RRM2: variants seen among roughly 807,000 people sequenced by gnomAD.
The protein encoded by RRM2 is ribonucleotide reductase regulatory subunit M2.
Under a neutral mutation model 45.9 loss-of-function variants are expected in RRM2, and 6 were observed. The ratio of observed to expected loss-of-function variants is 0.13; its 90% CI spans 0.07 to 0.26. RRM2 has a LOEUF of 0.26. RRM2 is among the 10% of genes least tolerant of loss of function. The probability of loss-of-function intolerance (pLI) is 1.00; values close to 1 mark genes in which losing one functional copy is unlikely to be tolerated. For synonymous variants in RRM2, 177 were observed against 173.0 expected, an observed-to-expected ratio of 1.02 and a Z score of -0.18; for missense variants, 343 against 489.5, an observed-to-expected ratio of 0.70 and a Z score of 2.82.
In RRM2 at chr2:10,148,203, T is replaced by C. The variant is rs571772229; in HGVS notation, n.482+5828T>C. On this transcript the variant is annotated intron_variant and non_coding_transcript_variant, in intron 3 of 3. Coordinates refer to the RRM2 transcript ENST00000381786. ...TCAGATACTAACAACTCTCTCCTTCTTTCTTTTCTTCCCAATTTTTGTTTA... is the reference window on the plus strand; with the variant it reads ...TCAGATACTAACAACTCTCTCCTTCCTTCTTTTCTTCCCAATTTTTGTTTA... Among the ~76,000 whole-genome samples the C allele has an allele frequency of 3.4e-4, 51 of 151,562 alleles. 1 individual carries two copies. Among genetic ancestry groups the C allele is most frequent in the African/African-American group, 1.2e-3 (48 of 41,370 alleles).
intron 3 of RRM2, among the ~76,000 whole-genome samples, chr2:10,151,294 GAT>G (rs1158098331): frequency 9.7e-6 from 1 of 103,172 alleles, no homozygotes; most frequent in Non-Finnish European, 1.8e-5. Context: ...TCTGCATGTA[GAT>G]TTTTTTTTTT....
intron 3 of RRM2, among the ~76,000 whole-genome samples, chr2:10,183,010 C>T (rs771301600): frequency 3.3e-5 from 5 of 152,050 alleles, no homozygotes; most frequent in African/African-American, 4.8e-5. Context: ...AAGACCCTGT[C>T]TCTACAAAAA....
rs1442479900 is a variant in RRM2 at position 10,124,751 on chromosome 2, A to C, written c.470A>C (p.Glu157Ala). ...ERFSQEVQIT[E>A]ARCFYGFQIA... ...TTTAGCCAAGAAGTTCAGATTACAG[A>C]AGCCCGCTGTTTCTATGGCTTCCAA... Residue 157 changes from glutamate to alanine, a missense_variant, in exon 5 of 10, where the codon GAA becomes GCA. By Grantham distance (107) the Glu-to-Ala change is moderately radical (BLOSUM62 -1). Transcript: ENST00000304567. 6.2e-7 allele frequency: 1 copy of C among 1,611,996 alleles called. No individual in the cohort carries two copies. Among genetic ancestry groups the C allele is most frequent in the African/African-American group, 1.3e-5 (1 of 74,872 alleles).
At chr2:10,143,505 G>T (rs1281558025) in intron 3 of RRM2, among the ~76,000 whole-genome samples, 1 of 152,228 alleles carries the variant, frequency 6.6e-6, no homozygotes, top group East Asian at 1.9e-4. Flanking sequence ...ACCTGGCCAG[G>T]CACTCTCAGT....
At chr2:10,186,314 A>ATT (rs60113793) in intron 3 of RRM2, among the ~76,000 whole-genome samples, 60,713 of 145,384 alleles carry the variant, frequency 0.42, 13,622 homozygotes, top group East Asian at 0.64. Context: ...TGCCCAGCTA[A>ATT]TTTTTTTTTT....
At chr2:10,133,703 A>ATTT (rs33987822), downstream of RRM2, among the ~76,000 whole-genome samples, 16 of 133,228 alleles carry the variant, frequency 1.2e-4, no homozygotes, top group African/African-American at 4.5e-4. Flanking sequence ...TGACATCAGG[A>ATTT]TTTTTTTTTT....
At chr2:10,142,264 A>C (rs749293616) in exon 3 of RRM2, 10 of 1,456,640 alleles carry the variant, frequency 6.9e-6, no homozygotes, top group Non-Finnish European at 9.3e-6. Context: ...GGGGATGAGA[A>C]GCTCGGGAAG....
chr2:10,144,502 C>T (rs1663149916), intron 3 of RRM2, among the ~76,000 whole-genome samples: 2 of 152,152 alleles, frequency 1.3e-5, no homozygotes, highest in Admixed American at 1.3e-4. Context: ...TGCCTTCTTA[C>T]AGTGCTCAGC....
rs1664400444 is a variant in RRM2 at position 10,195,633 on chromosome 2, T to C, written n.483-14678T>C. Among the ~76,000 whole-genome samples the C allele has an allele frequency of 6.6e-6, 1 of 152,118 alleles. No individual in the cohort carries two copies. Among genetic ancestry groups the C allele is most frequent in the Admixed American group, 6.5e-5 (1 of 15,272 alleles). On this transcript the variant is annotated intron_variant and non_coding_transcript_variant, in intron 3 of 3. Coordinates refer to the RRM2 transcript ENST00000381786. The surrounding 1 kb of genome is among the most constrained non-coding windows in gnomAD (Gnocchi z 4.9). ...GGAAGCGAGGGAGAAGAGGTCGCGG[T>C]GAGCCTCGGGTGGACCCATGTGGCA...
chr2:10,154,479 GA>G (rs1663382604), intron 3 of RRM2, among the ~76,000 whole-genome samples: 2 of 128,192 alleles, frequency 1.6e-5, no homozygotes, highest in Admixed American at 1.7e-4. Flanking sequence ...CAGCCTGGGT[GA>G]CAGAGCGAGA....
downstream of RRM2, among the ~76,000 whole-genome samples, chr2:10,132,522 A>G (rs967398868): frequency 4.6e-5 from 7 of 152,190 alleles, no homozygotes; most frequent in Non-Finnish European, 7.4e-5. Context: ...TGTAAGAGAA[A>G]GTTGTCTTTG....
intron 3 of RRM2, 30 bp from the exon 4 acceptor site, chr2:10,123,706 T>A (rs764199311): frequency 1.4e-6 from 2 of 1,468,456 alleles, no homozygotes; most frequent in African/African-American, 2.8e-5. Context: ...CTCTTCCTTT[T>A]ATGCTAAAAT....
At chr2:10,203,785 A>C (rs1664614690) in intron 3 of RRM2, among the ~76,000 whole-genome samples, 1 of 151,620 alleles carries the variant, frequency 6.6e-6, no homozygotes. Flanking sequence ...ACATACATAC[A>C]TGTGACGGTC....
chr2:10,179,645 C>G (rs1664002561), intron 3 of RRM2, among the ~76,000 whole-genome samples: 1 of 152,198 alleles, frequency 6.6e-6, no homozygotes, highest in African/African-American at 2.4e-5. Context: ...CCGACGAACC[C>G]ATTGTAAATT....
chr2:10,197,461 A>G (rs1664440012), intron 3 of RRM2, among the ~76,000 whole-genome samples: 1 of 152,168 alleles, frequency 6.6e-6, no homozygotes, highest in African/African-American at 2.4e-5. Flanking sequence ...GCCCTGCCCC[A>G]GGCAGCACTG....
chr2:10,173,058 G>T (rs1369733315), intron 3 of RRM2, among the ~76,000 whole-genome samples: 1 of 152,134 alleles, frequency 6.6e-6, no homozygotes, highest in African/African-American at 2.4e-5. Flanking sequence ...CTGGCTGCCT[G>T]GGTTCAAATG....
chr2:10,123,588 A>G, intron 3 of RRM2, 58 bp downstream of exon 3: 2 of 1,569,602 alleles, frequency 1.3e-6, no homozygotes, highest in Non-Finnish European at 8.6e-7. Flanking sequence ...TCAGACATAA[A>G]TGCACTTGGA....
At position 10,126,204 on chromosome 2, in the gene RRM2, T is replaced by A. The variant is rs1169725419; in HGVS notation, c.570-671T>A. 8.7e-5 allele frequency among the ~76,000 whole-genome samples: 9 copies of A among 103,482 alleles called. 1 individual carries two copies. The highest frequency in any genetic ancestry group is 6.1e-4 in the South Asian group (2 of 3,256). The allele number at this position is 103,482 out of a possible 152,430, so 67.9% of individuals were successfully genotyped here. On this transcript the variant is annotated intron_variant, in intron 5 of 9. Transcript: ENST00000304567. ...AAAAAAAAAAAAAAGCTGCCCAATG[T>A]CTGGTGCCCTTGGCTTCAGAACACA...
chr2:10,173,008 A>G (rs1442906657), intron 3 of RRM2, among the ~76,000 whole-genome samples: 1 of 152,054 alleles, frequency 6.6e-6, no homozygotes, highest in East Asian at 1.9e-4. Flanking sequence ...CCTCCATTCA[A>G]CTTTCTCCCT....
Sources: gnomAD v4.1 joint callset for allele counts (sites outside exome capture counted in the v4.1 genomes callset) on GRCh38, gnomAD v4.1.1 for gene constraint, Gnocchi (gnomAD v3.1) non-coding constraint, MANE v1.5 for transcripts, NCBI Gene and HGNC (gene_info 2026-07-23, HGNC 2026-07-21) for gene names.